Variants in ADGRL3 observed in about 807,000 individuals in gnomAD.
The protein encoded by ADGRL3 is calcium-independent alpha-latrotoxin receptor 3.
Under a neutral mutation model 153.5 loss-of-function variants are expected in ADGRL3, and 62 were observed. The observed-to-expected ratio is 0.40, with a 90% CI of 0.33 to 0.50. The LOEUF is 0.50. Among genes scored for constraint, ADGRL3 ranks in the 20% least tolerant of loss-of-function variants. The pLI is 0.47. For synonymous variants in ADGRL3, 710 were observed against 672.5 expected (o/e 1.06, Z -0.86); for missense variants, 1,641 against 1,859.4 (o/e 0.88, Z 2.16).
chr4:61,721,918 A>G (rs2151650693), intron 6 of ADGRL3, among the ~76,000 whole-genome samples: 1 of 152,324 alleles, frequency 6.6e-6, no homozygotes, highest in South Asian at 2.1e-4. Flanking sequence ...TGTTTGTATA[A>G]AAATTTATTT....
chr4:61,812,253 A>T (rs780917954), intron 8 of ADGRL3, among the ~76,000 whole-genome samples: 1 of 152,178 alleles, frequency 6.6e-6, no homozygotes, highest in East Asian at 1.9e-4. Flanking sequence ...TGAATGTGCA[A>T]TATTCTTAGT....
chr4:61,775,681 T>C (rs2152334787), intron 8 of ADGRL3: 2 of 1,496,854 alleles, frequency 1.3e-6, no homozygotes, highest in East Asian at 2.3e-5. Context: ...CACAGGCTCA[T>C]CACAGTTGGA....
At chr4:61,971,455 A>G (rs965564195) in intron 17 of ADGRL3, among the ~76,000 whole-genome samples, 36 of 152,110 alleles carry the variant, frequency 2.4e-4, no homozygotes, top group African/African-American at 8.0e-4. Flanking sequence ...ATGATTTCCA[A>G]TTTCATCCAT....
At chr4:61,991,889 T>C (rs551334325) in intron 19 of ADGRL3, among the ~76,000 whole-genome samples, 2 of 148,078 alleles carry the variant, frequency 1.4e-5, no homozygotes, top group South Asian at 2.1e-4. Flanking sequence ...TAATACATTA[T>C]ATTTATAAAA....
At chr4:61,300,559 A>G (rs2094547198) in intron 1 of ADGRL3, among the ~76,000 whole-genome samples, 1 of 152,120 alleles carries the variant, frequency 6.6e-6, no homozygotes, top group Non-Finnish European at 1.5e-5. Context: ...CTATTAAGGA[A>G]AAGAAATGCT....
chr4:61,412,908 C>G (rs982080056), intron 2 of ADGRL3, among the ~76,000 whole-genome samples: 1 of 152,084 alleles, frequency 6.6e-6, no homozygotes, highest in Non-Finnish European at 1.5e-5. Context: ...CTCTATCATC[C>G]TGGTATTGGA....
chr4:61,947,144 T>C, intron 16 of ADGRL3, 22 bp downstream of exon 16: 1 of 1,574,254 alleles, frequency 6.4e-7, no homozygotes, highest in Non-Finnish European at 8.7e-7. Context: ...GCATATTAGC[T>C]TGGTTGTTCA....
At chr4:61,851,459 CATACCT>C (rs2098201730) in intron 9 of ADGRL3, among the ~76,000 whole-genome samples, 1 of 151,728 alleles carries the variant, frequency 6.6e-6, no homozygotes, top group South Asian at 2.1e-4. Context: ...TGTGGTGGCA[CATACCT>C]ATAGTCCCAG....
At chr4:61,582,215 T>A (rs1446953752) in intron 4 of ADGRL3, among the ~76,000 whole-genome samples, 1 of 152,038 alleles carries the variant, frequency 6.6e-6, no homozygotes, top group Non-Finnish European at 1.5e-5. Context: ...CTGGGATACA[T>A]GTGCAGGACA....
chr4:61,921,928 T>C (rs1472242013), intron 13 of ADGRL3, among the ~76,000 whole-genome samples: 1 of 152,130 alleles, frequency 6.6e-6, no homozygotes, highest in Non-Finnish European at 1.5e-5. Context: ...TAGATTTGGG[T>C]AGTGTTTGTA....
At chr4:61,561,007 G>C (rs1045166899) in intron 4 of ADGRL3, among the ~76,000 whole-genome samples, 1 of 152,082 alleles carries the variant, frequency 6.6e-6, no homozygotes, top group Non-Finnish European at 1.5e-5. Context: ...AAATTAACAA[G>C]TATCTTTTAT....
chr4:61,447,581 C>T (rs886100069), intron 2 of ADGRL3, among the ~76,000 whole-genome samples: 1 of 152,128 alleles, frequency 6.6e-6, no homozygotes, highest in African/African-American at 2.4e-5. Flanking sequence ...GTTTTATTTG[C>T]ATAATTATAA....
At chr4:61,856,449 TTTTTCTTTTCTTTTC>T (rs534182515) in intron 9 of ADGRL3, among the ~76,000 whole-genome samples, 3 of 148,550 alleles carry the variant, frequency 2.0e-5, no homozygotes, top group Non-Finnish European at 3.0e-5. Flanking sequence ...CTTCCTTCCT[TTTTTCTTTTCTTTTC>T]TTTTCTTTTC....
chr4:61,314,755 G>A (rs1424392360), intron 1 of ADGRL3, among the ~76,000 whole-genome samples: 1 of 152,102 alleles, frequency 6.6e-6, no homozygotes, highest in African/African-American at 2.4e-5. Context: ...GGCTGAAGGT[G>A]GTAATACTGG....
At chr4:61,530,055 A>C (rs1034108707) in intron 4 of ADGRL3, among the ~76,000 whole-genome samples, 1 of 152,162 alleles carries the variant, frequency 6.6e-6, no homozygotes, top group Non-Finnish European at 1.5e-5. Context: ...TAATGATTTT[A>C]GTTTTCAGTA....
intron 6 of ADGRL3, among the ~76,000 whole-genome samples, chr4:61,707,285 C>A (rs1409945291): frequency 6.6e-6 from 1 of 152,112 alleles, no homozygotes; most frequent in Non-Finnish European, 1.5e-5. Context: ...CAAAATGTGA[C>A]ACAGAGACAC....
chr4:61,692,516 C>G (rs539552199), intron 6 of ADGRL3, among the ~76,000 whole-genome samples: 1 of 150,910 alleles, frequency 6.6e-6, no homozygotes, highest in Non-Finnish European at 1.5e-5. Context: ...AATACCAGCT[C>G]ACTGCAACTT....
chr4:61,808,710 A>G (rs536808314), intron 8 of ADGRL3, among the ~76,000 whole-genome samples: 1 of 151,924 alleles, frequency 6.6e-6, no homozygotes, highest in Admixed American at 6.6e-5. Flanking sequence ...AGCACAAACA[A>G]CACATTGACC....
At chr4:61,410,768 C>T (rs1338470682) in intron 2 of ADGRL3, among the ~76,000 whole-genome samples, 2 of 152,160 alleles carry the variant, frequency 1.3e-5, no homozygotes, top group Non-Finnish European at 2.9e-5. Flanking sequence ...GGCTGCTGTC[C>T]TGAGCCAAGG....
Sources: gnomAD v4.1 joint callset for allele counts (sites outside exome capture counted in the v4.1 genomes callset) on GRCh38, gnomAD v4.1.1 for gene constraint, MANE v1.5 for transcripts, NCBI Gene and HGNC (gene_info 2026-07-23, HGNC 2026-07-21) for gene names.